The following TTK variants were observed in gnomAD, a reference collection of about 807,000 sequenced individuals.
The protein encoded by TTK is TTK protein kinase, also known as dual specificity protein kinase TTK.
A neutral mutation model predicts 117.3 loss-of-function variants in TTK; 59 were observed. The observed-to-expected ratio is 0.50, with a 90% CI of 0.41 to 0.62. The LOEUF (loss-of-function observed/expected upper bound fraction) is 0.62, where lower values mean the gene tolerates loss of function less well. Among genes scored for constraint, TTK ranks in the 20% least tolerant of loss-of-function variants. The pLI, the probability that TTK is intolerant of heterozygous loss-of-function variation, is 0.00. For missense variants in TTK, 921 were observed against 989.4 expected (o/e 0.93, Z 0.93); for synonymous variants, 302 against 325.0 (o/e 0.93, Z 0.76).
rs751135082 is a variant in TTK at position 80,010,821 on chromosome 6, C to CA, written c.484dup (p.Ser162LysfsTer2). 11 of 1,600,112 alleles carry CA rather than the reference C, an allele frequency of 6.9e-6. No homozygotes were observed. The highest frequency in any genetic ancestry group is 6.7e-5 in the East Asian group (3 of 44,494). ...TATCTTTTGCTTTGTTAGGTAATGT[C>CA]AAAAAAAGTAAACAACTTCTTCAAA... On this transcript the variant is annotated frameshift_variant, in exon 5 of 22. Coordinates refer to ENST00000369798, the MANE Select transcript of TTK (RefSeq NM_003318.5). LOFTEE classifies it high-confidence loss of function.
intron 10 of TTK, among the ~76,000 whole-genome samples, chr6:80,017,903 T>A (rs1028827927): frequency 2.6e-5 from 4 of 152,208 alleles, no homozygotes; most frequent in Non-Finnish European, 1.5e-5. Flanking sequence ...GGTTTATTCT[T>A]GAATATTTTT....
chr6:80,018,042 G>A (rs912441116), intron 10 of TTK, among the ~76,000 whole-genome samples: 1 of 151,968 alleles, frequency 6.6e-6, no homozygotes, highest in African/African-American at 2.4e-5. Context: ...GGGTGTGGTG[G>A]TATGTACCTG....
At position 80,007,964 on chromosome 6, in the gene TTK, C is replaced by T; in HGVS notation, c.295C>T (p.Pro99Ser). The change falls in exon 3 of 22, where the codon CCC becomes TCC. Residue 99 changes from proline to serine, a missense_variant. By Grantham distance (74) the Pro-to-Ser change is moderately conservative. Coordinates refer to ENST00000369798, the MANE Select transcript of TTK (RefSeq NM_003318.5). ...GRYSQAIEAL[P>S]PDKYGQNESF... is the part of the protein sequence containing the mutation. ...TTACAGTCAAGCAATTGAAGCGCTT[C>T]CCCCAGATAAATATGGCCAAAATGA... is the stretch of plus-strand genomic sequence containing the variant. 1.9e-6 allele frequency: 3 copies of T among 1,613,514 alleles called. No homozygotes were observed. Among genetic ancestry groups the T allele is most frequent in the South Asian group, 2.2e-5 (2 of 91,060 alleles).
rs749114090 is a variant in TTK at position 80,010,971 on chromosome 6, T to C, written c.613+14T>C. ...AGAATTTATCAGGTAACTATTAAGG[T>C]ATACTAATACTTTCTGTGGTAGGTA... is the stretch of plus-strand genomic sequence containing the variant. On this transcript the variant is annotated intron_variant, in intron 5 of 21. Transcript: ENST00000369798. 6.2e-7 allele frequency: 1 copy of C among 1,608,426 alleles called. No homozygotes were observed. The highest frequency in any genetic ancestry group is 8.5e-7 in the Non-Finnish European group (1 of 1,176,950).
intron 21 of TTK, 94 bp from the exon 22 acceptor site, chr6:80,042,025 G>T: frequency 3.4e-6 from 2 of 586,474 alleles, no homozygotes; most frequent in Non-Finnish European, 5.6e-6. Flanking sequence ...AGAAATAAAT[G>T]TATTATATTT....
chr6:80,014,814 A>G (rs773323135), intron 10 of TTK, among the ~76,000 whole-genome samples: 4 of 152,112 alleles, frequency 2.6e-5, no homozygotes, highest in Non-Finnish European at 2.9e-5. Context: ...GGAAAATGCA[A>G]TGGAACTGAG....
At chr6:80,008,927 A>G (rs1304672306) in intron 4 of TTK, among the ~76,000 whole-genome samples, 9 of 61,328 alleles carry the variant, frequency 1.5e-4, no homozygotes, top group African/African-American at 5.2e-4. Flanking sequence ...TAAACTATAT[A>G]TCTGTGTGTG....
At chr6:80,031,636 G>A (rs1044024197) in intron 14 of TTK, 77 bp downstream of exon 14, 17 of 1,131,622 alleles carry the variant, frequency 1.5e-5, no homozygotes, top group Non-Finnish European at 1.8e-5. Context: ...TACCTGTGAG[G>A]GCTGCTTTTC....
chr6:80,037,716 C>T (rs77550783), intron 17 of TTK: 7 of 179,940 alleles, frequency 3.9e-5, no homozygotes, highest in East Asian at 2.6e-4. Flanking sequence ...GAACCCAACT[C>T]GTTTTGCTGC....
At chr6:80,036,255 T>C (rs1767902889) in intron 16 of TTK, among the ~76,000 whole-genome samples, 1 of 152,146 alleles carries the variant, frequency 6.6e-6, no homozygotes, top group South Asian at 2.1e-4. Context: ...TCAGCATTGA[T>C]GTGAAGATTA....
intron 19 of TTK, 109 bp from the exon 20 acceptor site, chr6:80,040,087 T>G: frequency 1.0e-6 from 1 of 997,208 alleles, no homozygotes; most frequent in Non-Finnish European, 1.4e-6. Context: ...TTTAGTGGGA[T>G]ATCTAAAAAG....
chr6:80,032,914 A>T (rs61795), intron 14 of TTK, among the ~76,000 whole-genome samples: 93,924 of 151,968 alleles, frequency 0.62, 29,471 homozygotes, highest in Admixed American at 0.73. Context: ...TTAGCTTTTT[A>T]AATACAATAT....
chr6:80,027,487 G>A (rs369608354), intron 12 of TTK, among the ~76,000 whole-genome samples: 17 of 152,096 alleles, frequency 1.1e-4, no homozygotes, highest in African/African-American at 4.1e-4. Flanking sequence ...AAGCTCAAAG[G>A]CCAAACTCCT....
chr6:80,012,762 T>G (rs1767194755), intron 8 of TTK, among the ~76,000 whole-genome samples: 1 of 152,096 alleles, frequency 6.6e-6, no homozygotes, highest in Non-Finnish European at 1.5e-5. Flanking sequence ...AGCTTTAAAG[T>G]CTTATCACTA....
At chr6:80,024,637 T>C (rs1215574005) in intron 11 of TTK, among the ~76,000 whole-genome samples, 1 of 152,166 alleles carries the variant, frequency 6.6e-6, no homozygotes. Flanking sequence ...GGTGTGAGTT[T>C]TCTTTTTAGA....
At chr6:80,022,895 G>A (rs766472387) in intron 11 of TTK, among the ~76,000 whole-genome samples, 2 of 152,090 alleles carry the variant, frequency 1.3e-5, no homozygotes, top group Non-Finnish European at 2.9e-5. Flanking sequence ...ACCGAAAACT[G>A]TATGCTGATC....
intron 18 of TTK, among the ~76,000 whole-genome samples, chr6:80,038,654 T>C (rs1767969227): frequency 6.6e-6 from 1 of 152,184 alleles, no homozygotes; most frequent in Admixed American, 6.6e-5. Flanking sequence ...TAAATGTGTT[T>C]TTATTTACTA....
Position 80,026,498 on chromosome 6 carries a change from G to T in TTK, c.1378G>T (p.Asp460Tyr). The T allele has an allele frequency of 6.2e-7, 1 of 1,613,682 alleles. No homozygotes were observed. The highest frequency in any genetic ancestry group is 8.5e-7 in the Non-Finnish European group (1 of 1,179,786). The stretch of plus-strand genomic sequence containing the variant: ...TAAGACACCAAGCAGCAATACCTTG[G>T]ATGATTACATGAGCTGGTAATTACT... ...ICKTPSSNTL[D>Y]DYMSCFRTPV... Residue 460 changes from aspartate (D) to tyrosine (Y), a missense_variant, in exon 12 of 22, where the codon GAT (aspartate) becomes TAT (tyrosine). Transcript: ENST00000369798.
chr6:80,017,704 TATC>T, intron 10 of TTK, among the ~76,000 whole-genome samples: 1 of 152,198 alleles, frequency 6.6e-6, no homozygotes, highest in Non-Finnish European at 1.5e-5. Flanking sequence ...CACTAGAATC[TATC>T]TTTTGGTTAC....
Sources: allele counts gnomAD v4.1 joint callset (sites outside exome capture counted in the v4.1 genomes callset), GRCh38; gene constraint gnomAD v4.1.1; transcripts MANE v1.5; gene names NCBI Gene and HGNC (gene_info 2026-07-23, HGNC 2026-07-21).